Variants in PKP4 observed in about 807,000 individuals in gnomAD.
PKP4 encodes the protein plakophilin 4.
In PKP4, 90 loss-of-function variants were observed where a neutral mutation model predicts 145.1. That is an observed-to-expected ratio of 0.62 (90% confidence interval 0.52 to 0.74). The LOEUF is 0.74. PKP4 is among the 30% of genes least tolerant of loss of function. The pLI is 0.00. For missense variants in PKP4, 1,340 were observed against 1,482.7 expected (o/e 0.90, Z 1.58); for synonymous variants, 563 against 577.2 (o/e 0.98, Z 0.35).
In PKP4 at chr2:158,662,937, A is replaced by T; in HGVS notation, c.2252A>T (p.Tyr751Phe). Residue 751 changes from tyrosine to phenylalanine, a missense_variant, in exon 14 of 22, where the codon TAT (tyrosine) becomes TTT (phenylalanine). By Grantham distance (22) the Tyr-to-Phe change is conservative. Transcript: ENST00000389759. ...GTGTGCACCCTGAGGAACCTGTCCTATCGGCTGGAGCTGGAGGTGCCCCAG... is the reference window on the plus strand; with the variant it reads ...GTGTGCACCCTGAGGAACCTGTCCTTTCGGCTGGAGCTGGAGGTGCCCCAG... ...NCVCTLRNLS[Y>F]RLELEVPQAR... The T allele has an allele frequency of 6.2e-7, 1 of 1,613,032 alleles. No individual in the cohort carries two copies. The highest frequency in any genetic ancestry group is 8.5e-7 in the Non-Finnish European group (1 of 1,179,826).
chr2:158,470,187 C>T (rs894799261), intron 1 of PKP4, among the ~76,000 whole-genome samples: 1 of 147,944 alleles, frequency 6.8e-6, no homozygotes, highest in Non-Finnish European at 1.5e-5. Flanking sequence ...AGCAACGATG[C>T]TTTCTTTGAG....
chr2:158,569,172 A>T (rs907731863), intron 2 of PKP4, among the ~76,000 whole-genome samples: 5 of 152,228 alleles, frequency 3.3e-5, no homozygotes, highest in Admixed American at 6.5e-5. Flanking sequence ...GAGTCTTAGA[A>T]TATAAACTTC....
chr2:158,585,871 T>C (rs2048755630), intron 3 of PKP4, among the ~76,000 whole-genome samples: 1 of 135,294 alleles, frequency 7.4e-6, no homozygotes, highest in Admixed American at 7.8e-5. Context: ...TACTTAATTT[T>C]AAAACATTTT....
At chr2:158,553,792 T>C (rs2045838286) in intron 2 of PKP4, among the ~76,000 whole-genome samples, 1 of 152,210 alleles carries the variant, frequency 6.6e-6, no homozygotes, top group African/African-American at 2.4e-5. Context: ...ACTTATCTTT[T>C]AGCTTCACAG....
intron 1 of PKP4, among the ~76,000 whole-genome samples, chr2:158,473,323 A>C (rs571684696): frequency 6.6e-6 from 1 of 152,330 alleles, no homozygotes; most frequent in Admixed American, 6.5e-5. Flanking sequence ...TACCCAGAGG[A>C]ATATAAATCA....
At chr2:158,536,144 T>G (rs2105641321) in intron 2 of PKP4, among the ~76,000 whole-genome samples, 1 of 152,252 alleles carries the variant, frequency 6.6e-6, no homozygotes, top group East Asian at 1.9e-4. Context: ...GAGCCCTTTT[T>G]TTGGACATTG....
chr2:158,495,341 C>T lies in PKP4; in HGVS notation c.-5-37839C>T, dbSNP rs1695531045. On this transcript the variant is annotated intron_variant, in intron 1 of 21. Coordinates refer to ENST00000389759, the MANE Select transcript of PKP4 (RefSeq NM_003628.6). The stretch of plus-strand genomic sequence containing the variant: ...TTGGACTCACATTGCTACAATTCTT[C>T]TGGAGAGTTAAAAAAAAAAAAAAAC... Among the ~76,000 whole-genome samples the T allele has an allele frequency of 2.9e-5, 3 of 101,728 alleles. No individual in the cohort carries two copies. The South Asian group carries it at 1.3e-3, about 44-fold the overall frequency. The allele number at this position is 101,728 out of a possible 152,430, so 66.7% of individuals were successfully genotyped here. A position where few individuals can be genotyped will look rare whatever the true frequency, so the allele number is the denominator to read the frequency against.
chr2:158,617,055 C>G (rs2051700836), intron 4 of PKP4, among the ~76,000 whole-genome samples: 1 of 152,146 alleles, frequency 6.6e-6, no homozygotes, highest in Admixed American at 6.5e-5. Flanking sequence ...GTTATTGTCC[C>G]TTACCCACTA....
Position 158,486,322 on chromosome 2 carries a change from G to A in PKP4, c.-6+29104G>A, listed in dbSNP as rs75138931. Among the ~76,000 whole-genome samples, 703 of 152,288 alleles carry A rather than the reference G, an allele frequency of 4.6e-3. 1 individual carries two copies. Among genetic ancestry groups the A allele is most frequent in the African/African-American group, 0.015 (644 of 41,564 alleles). ...GTTTTCCTTTGAGATTGTTACTAGAGTAATAAATCATGTTGAAGTGAAGAA... is the reference window on the plus strand; with the variant it reads ...GTTTTCCTTTGAGATTGTTACTAGAATAATAAATCATGTTGAAGTGAAGAA... On this transcript the variant is annotated intron_variant, in intron 1 of 21. Transcript: ENST00000389759.
intron 1 of PKP4, among the ~76,000 whole-genome samples, chr2:158,488,670 C>T (rs1694518314): frequency 6.6e-6 from 1 of 152,124 alleles, no homozygotes; most frequent in African/African-American, 2.4e-5. Flanking sequence ...TAATCTCTGT[C>T]CCTTGAGCAT....
intron 4 of PKP4, among the ~76,000 whole-genome samples, chr2:158,618,549 G>C (rs1055148194): frequency 6.6e-6 from 1 of 152,114 alleles, no homozygotes; most frequent in African/African-American, 2.4e-5. Context: ...TTTTATTAGG[G>C]CAACCAGTAT....
intron 2 of PKP4, among the ~76,000 whole-genome samples, chr2:158,534,682 C>CG (rs1559288632): frequency 6.6e-6 from 1 of 152,110 alleles, no homozygotes; most frequent in Non-Finnish European, 1.5e-5. Flanking sequence ...CTATTAACTG[C>CG]GTGCAGTAAA....
In PKP4 at chr2:158,566,117, CTGTGT is replaced by C. The variant is rs1324585187; in HGVS notation, c.133-11152_133-11148del. On this transcript the variant is annotated intron_variant, in intron 2 of 21. Transcript: ENST00000389759. ...GTATAGTCTTAAGAAAAAAATCTTC[CTGTGT>C]TAGGTGGTATTTGTTTTCATTCTCA... 1.5e-3 allele frequency among the ~76,000 whole-genome samples: 233 copies of C among 152,238 alleles called. 4 individuals carry two copies. The East Asian group carries it at 0.021, about 14-fold the overall frequency.
chr2:158,467,057 A>G (rs147701652), intron 1 of PKP4, among the ~76,000 whole-genome samples: 27 of 152,378 alleles, frequency 1.8e-4, no homozygotes, highest in African/African-American at 6.5e-4. Context: ...TAATGAAACA[A>G]AATTTCATAG....
rs533860888 is a variant in PKP4 at position 158,466,164 on chromosome 2, A to G, written c.-6+8946A>G. On this transcript the variant is annotated intron_variant, in intron 1 of 21. Coordinates refer to ENST00000389759, the MANE Select transcript of PKP4 (RefSeq NM_003628.6). ...TTAAATCTTGACCTCCAGTGGTTCTACATACCTTAAGTGAATGAATGAGTT... is the reference window on the plus strand; with the variant it reads ...TTAAATCTTGACCTCCAGTGGTTCTGCATACCTTAAGTGAATGAATGAGTT... Among the ~76,000 whole-genome samples the G allele has an allele frequency of 3.9e-5, 6 of 152,162 alleles. No homozygotes were observed. In the East Asian group the frequency reaches 5.8e-4, roughly 15 times the overall value.
chr2:158,500,694 A>G (rs952528023), intron 1 of PKP4, among the ~76,000 whole-genome samples: 3 of 152,220 alleles, frequency 2.0e-5, no homozygotes, highest in South Asian at 2.1e-4. Context: ...GCCTACAGCT[A>G]TGGAGCTACC....
chr2:158,537,864 A>G lies in PKP4; in HGVS notation c.132+4548A>G, dbSNP rs1277293270. ...GCAACATGACAAAAACCCTGTCTCT[A>G]CAAAAAATACAAAAAATTGGCCAGG... On this transcript the variant is annotated intron_variant, in intron 2 of 21. Coordinates refer to ENST00000389759, the MANE Select transcript of PKP4 (RefSeq NM_003628.6). Among the ~76,000 whole-genome samples the G allele has an allele frequency of 1.3e-5, 2 of 152,058 alleles. 1 individual carries two copies. The highest frequency in any genetic ancestry group is 1.3e-4 in the Admixed American group (2 of 15,260).
intron 1 of PKP4, among the ~76,000 whole-genome samples, chr2:158,473,433 A>G (rs895072530): frequency 1.2e-4 from 19 of 152,220 alleles, no homozygotes; most frequent in African/African-American, 4.1e-4. Context: ...GGCAGATTGG[A>G]TAAAGAAAAT....
At chr2:158,462,377 GAAA>G (rs59142992) in intron 1 of PKP4, among the ~76,000 whole-genome samples, 14 of 149,170 alleles carry the variant, frequency 9.4e-5, no homozygotes, top group Non-Finnish European at 8.9e-5. Context: ...TTTTTCTTAA[GAAA>G]AAAAAAAGAA....
Sources: gnomAD v4.1 joint callset for allele counts (sites outside exome capture counted in the v4.1 genomes callset) on GRCh38, gnomAD v4.1.1 for gene constraint, MANE v1.5 for transcripts, NCBI Gene and HGNC (gene_info 2026-07-23, HGNC 2026-07-21) for gene names.